ACTR3C: variants seen among roughly 807,000 people sequenced by gnomAD.
The protein encoded by ACTR3C is actin related protein 3C.
Under a neutral mutation model 26.3 loss-of-function variants are expected in ACTR3C, and 18 were observed. The ratio of observed to expected loss-of-function variants is 0.68; its 90% CI spans 0.47 to 1.01. The LOEUF is 1.01. ACTR3C is among the 50% of genes least tolerant of loss of function. The pLI is 0.00. For missense variants in ACTR3C, 184 were observed against 250.7 expected (o/e 0.73, Z 1.80); for synonymous variants, 55 against 94.5 (o/e 0.58, Z 2.42).
chr7:149,907,473 T>TTTCTC, the ACTR3C span, among the ~76,000 whole-genome samples: 2 of 109,842 alleles, frequency 1.8e-5, no homozygotes, highest in Admixed American at 1.9e-4. Context: ...CTTGCCTCTC[T>TTTCTC]TCTCTTCTCT....
the ACTR3C span, among the ~76,000 whole-genome samples, chr7:149,979,680 T>C: frequency 6.6e-6 from 1 of 151,836 alleles, no homozygotes; most frequent in Non-Finnish European, 1.5e-5. Flanking sequence ...ATTTAAATGA[T>C]ACAATAACAG....
At chr7:150,001,118 C>G in the ACTR3C span, 3 of 152,178 alleles carry the variant, frequency 2.0e-5, no homozygotes, top group Admixed American at 2.0e-4. Flanking sequence ...CCGGAAAAGA[C>G]CTTGTGAAGA....
At chr7:150,304,926 G>T (rs528047875) in intron 1 of ACTR3C, among the ~76,000 whole-genome samples, 1 of 152,024 alleles carries the variant, frequency 6.6e-6, no homozygotes, top group Non-Finnish European at 1.5e-5. Context: ...ATGTCTGCCC[G>T]GGCTCCTTAA....
the ACTR3C span, among the ~76,000 whole-genome samples, chr7:150,082,966 G>C: frequency 8.5e-6 from 1 of 117,588 alleles, no homozygotes; most frequent in African/African-American, 3.6e-5. Flanking sequence ...TTTTTTTCAG[G>C]ACAAGGGCTC....
chr7:150,085,973 T>C, the ACTR3C span, among the ~76,000 whole-genome samples: 2 of 151,814 alleles, frequency 1.3e-5, no homozygotes, highest in African/African-American at 4.9e-5. Flanking sequence ...TTTTTTCTTT[T>C]TTCTTTCTTC....
chr7:150,192,704 G>A, the ACTR3C span, among the ~76,000 whole-genome samples: 1 of 152,156 alleles, frequency 6.6e-6, no homozygotes, highest in Non-Finnish European at 1.5e-5. Flanking sequence ...TTATTTAATT[G>A]ATAACCTTAG....
the ACTR3C span, among the ~76,000 whole-genome samples, chr7:149,997,820 A>G: frequency 1.3e-5 from 2 of 150,154 alleles, 1 homozygote; most frequent in Non-Finnish European, 3.0e-5. Context: ...TGCAAAACAA[A>G]TTTAAAGGCT....
chr7:150,295,045 C>T lies in ACTR3C; in HGVS notation c.45+207G>A, dbSNP rs146196634. On this transcript the variant is annotated intron_variant, in intron 2 of 7. Transcript: ENST00000683684. ...AATGCATGTAAAAAGAGCCAGACGA[C>T]GTCTATACCAAAAAATGGCATCAAT... 5.3e-5 allele frequency among the ~76,000 whole-genome samples: 8 copies of T among 152,110 alleles called. No homozygotes were observed. The East Asian group carries it at 1.3e-3, about 26-fold the overall frequency.
In ACTR3C at chr7:150,272,695, T is replaced by G. The variant is rs2311358; in HGVS notation, c.564+12058A>C. 3.2e-5 allele frequency among the ~76,000 whole-genome samples: 4 copies of G among 125,222 alleles called. 1 individual carries two copies. The East Asian group carries it at 8.4e-4, about 26-fold the overall frequency. The allele number at this position is 125,222 out of a possible 152,430, so 82.2% of individuals were successfully genotyped here. On this transcript the variant is annotated intron_variant, in intron 6 of 7. Coordinates refer to ENST00000683684, the MANE Select transcript of ACTR3C (RefSeq NM_001164458.2). ...CTTTTTTGTGTGTTTTTTTGGTTTT[T>G]TTTTTTTTTTTTTGAGACAAGGTCT... is the stretch of plus-strand genomic sequence containing the variant.
At chr7:149,920,468 G>T in the ACTR3C span, among the ~76,000 whole-genome samples, 1 of 151,592 alleles carries the variant, frequency 6.6e-6, no homozygotes, top group Non-Finnish European at 1.5e-5. Context: ...CACCACACCT[G>T]GCTTTTTCTT....
the ACTR3C span, among the ~76,000 whole-genome samples, chr7:150,103,815 T>C: frequency 1.3e-5 from 2 of 152,028 alleles, no homozygotes; most frequent in African/African-American, 4.8e-5. Flanking sequence ...ATACACATGA[T>C]TGGTTTCCTT....
the ACTR3C span, among the ~76,000 whole-genome samples, chr7:150,035,243 A>C: frequency 2.6e-4 from 24 of 93,796 alleles, 2 homozygotes; most frequent in South Asian, 1.6e-3. Flanking sequence ...CCTAAGAGCC[A>C]GTGGGGGAAC....
the ACTR3C span, among the ~76,000 whole-genome samples, chr7:150,072,997 G>C: frequency 2.0e-3 from 302 of 152,330 alleles, 1 homozygote; most frequent in African/African-American, 6.5e-3. Flanking sequence ...CCACAGCGGA[G>C]GAAAAGAAAG....
chr7:150,012,338 G>A, the ACTR3C span, among the ~76,000 whole-genome samples: 259 of 82,106 alleles, frequency 3.2e-3, 1 homozygote, highest in African/African-American at 0.012. Flanking sequence ...TTTTTGAGAC[G>A]GAGTCTCGCT....
the ACTR3C span, among the ~76,000 whole-genome samples, chr7:150,203,626 C>T: frequency 0.054 from 8,211 of 152,126 alleles, 347 homozygotes; most frequent in African/African-American, 0.11. Context: ...AGTGCAGTGG[C>T]ATGATCTCGG....
the ACTR3C span, among the ~76,000 whole-genome samples, chr7:150,163,915 T>C: frequency 6.6e-6 from 1 of 152,148 alleles, no homozygotes. Flanking sequence ...CATCTAGAAA[T>C]GCCTTCACAC....
the ACTR3C span, among the ~76,000 whole-genome samples, chr7:150,024,259 G>T: frequency 5.9e-5 from 9 of 152,024 alleles, 1 homozygote; most frequent in African/African-American, 2.2e-4. Flanking sequence ...CTACTCCAGG[G>T]TCCCTGAACC....
intron 6 of ACTR3C, among the ~76,000 whole-genome samples, chr7:150,267,011 T>C (rs1010612966): frequency 2.0e-5 from 3 of 152,234 alleles, no homozygotes; most frequent in African/African-American, 7.2e-5. Context: ...ATAAAACATA[T>C]TCAGCAGACA....
the ACTR3C span, among the ~76,000 whole-genome samples, chr7:150,219,408 T>C: frequency 6.8e-6 from 1 of 147,238 alleles, no homozygotes; most frequent in Admixed American, 6.6e-5. Context: ...ATATAAATAT[T>C]CGAAAATATT....
Sources: gnomAD v4.1 joint callset for allele counts (sites outside exome capture counted in the v4.1 genomes callset) on GRCh38, gnomAD v4.1.1 for gene constraint, MANE v1.5 for transcripts, NCBI Gene and HGNC (gene_info 2026-07-23, HGNC 2026-07-21) for gene names.